PALLD: variants seen among roughly 807,000 people sequenced by gnomAD.
PALLD encodes the protein palladin.
In PALLD, 61 loss-of-function variants were observed where a neutral mutation model predicts 123.5. The ratio of observed to expected loss-of-function variants is 0.49; its 90% CI spans 0.40 to 0.61. PALLD has a LOEUF of 0.61. PALLD is among the 20% of genes least tolerant of loss of function. PALLD has a pLI of 0.00. For missense variants in PALLD, 1,273 were observed against 1,377.0 expected, an observed-to-expected ratio of 0.92 and a Z score of 1.20; for synonymous variants, 465 against 496.4, an observed-to-expected ratio of 0.94 and a Z score of 0.84.
intron 2 of PALLD, among the ~76,000 whole-genome samples, chr4:168,540,149 A>G (rs989469354): frequency 1.3e-5 from 2 of 152,152 alleles, no homozygotes; most frequent in Non-Finnish European, 2.9e-5. Flanking sequence ...CTGCGACATG[A>G]GCCCTAACGA....
chr4:168,862,449 G>GA (rs2151035220), intron 10 of PALLD, among the ~76,000 whole-genome samples: 1 of 152,136 alleles, frequency 6.6e-6, no homozygotes, highest in African/African-American at 2.4e-5. Context: ...GCCCAGCCAA[G>GA]AAAAAAGTTT....
At chr4:168,503,420 C>A (rs940895841) in intron 1 of PALLD, among the ~76,000 whole-genome samples, 2 of 151,974 alleles carry the variant, frequency 1.3e-5, no homozygotes, top group Admixed American at 1.3e-4. Context: ...GAGGCCAAGG[C>A]GGGTGGATGA....
rs1767201534 is a variant in PALLD at position 168,555,631 on chromosome 4, T to C, written c.908+43219T>C. On this transcript the variant is annotated intron_variant, in intron 2 of 21. Coordinates refer to ENST00000505667, the MANE Select transcript of PALLD (RefSeq NM_001166108.2). Reference sequence around the variant, plus strand: ...AATCATCTCTTTCTCCACTTTCTGTTACACAATTAAACCAGCAGGTGAGGC... The same window carrying C: ...AATCATCTCTTTCTCCACTTTCTGTCACACAATTAAACCAGCAGGTGAGGC... Among the ~76,000 whole-genome samples, 3 of 152,336 alleles carry C rather than the reference T, an allele frequency of 2.0e-5. No individual in the cohort carries two copies. The South Asian group carries it at 6.2e-4, about 32-fold the overall frequency.
Position 168,526,615 on chromosome 4 carries a change from T to C in PALLD, c.908+14203T>C, listed in dbSNP as rs1764074435. On this transcript the variant is annotated intron_variant, in intron 2 of 21. Transcript: ENST00000505667. ...ACAGAAACACAATTTAGTTTTCCTT[T>C]CATCATGCAAACACAATGCTACACC... 2.0e-5 allele frequency among the ~76,000 whole-genome samples: 3 copies of C among 152,224 alleles called. No individual in the cohort carries two copies. In the South Asian group the frequency reaches 6.2e-4, roughly 32 times the overall value.
intron 3 of PALLD, among the ~76,000 whole-genome samples, chr4:168,675,726 A>T (rs1780765261): frequency 6.6e-6 from 1 of 152,128 alleles, no homozygotes; most frequent in African/African-American, 2.4e-5. Context: ...TTTTATTTTT[A>T]AAAAGCTAAA....
rs554518473 is a variant in PALLD at position 168,597,372 on chromosome 4, G to A, written c.909-70818G>A. 1.4e-3 allele frequency among the ~76,000 whole-genome samples: 214 copies of A among 152,032 alleles called. 4 individuals carry two copies. In the South Asian group the frequency reaches 0.042, roughly 30 times the overall value. On this transcript the variant is annotated intron_variant, in intron 2 of 21. Coordinates refer to ENST00000505667, the MANE Select transcript of PALLD (RefSeq NM_001166108.2). The stretch of plus-strand genomic sequence containing the variant: ...CATACAGTTTTGGAGACTTCTTTAA[G>A]AAAAAGAATACAATATTAAGCATGC...
At chr4:168,536,212 C>G (rs150748112) in intron 2 of PALLD, among the ~76,000 whole-genome samples, 150 of 152,306 alleles carry the variant, frequency 9.8e-4, no homozygotes, top group Admixed American at 1.9e-3. Flanking sequence ...TTCTGCCTGT[C>G]CTTTAACCCA....
rs1786865424 is a variant in PALLD at position 168,728,882 on chromosome 4, A to G, written c.1964+16959A>G. Among the ~76,000 whole-genome samples the G allele has an allele frequency of 2.0e-5, 3 of 152,144 alleles. 1 individual carries two copies. Among genetic ancestry groups the G allele is most frequent in the South Asian group, 4.2e-4 (2 of 4,806 alleles). ...TCCCACTCTTCCCCCCAAGGCCCCA[A>G]GGTCCACTGTATCATTCTTATGCCT... On this transcript the variant is annotated intron_variant, in intron 10 of 21. Transcript: ENST00000505667.
chr4:168,548,166 A>G (rs1324913672), intron 2 of PALLD, among the ~76,000 whole-genome samples: 4 of 152,198 alleles, frequency 2.6e-5, no homozygotes. Context: ...TAATGAGACA[A>G]AAGGATCTTA....
chr4:168,543,562 A>G (rs1161956661), intron 2 of PALLD, among the ~76,000 whole-genome samples: 1 of 152,184 alleles, frequency 6.6e-6, no homozygotes, highest in Non-Finnish European at 1.5e-5. Flanking sequence ...GGGCAAAAAA[A>G]AAAATTAAAT....
intron 10 of PALLD, among the ~76,000 whole-genome samples, chr4:168,884,293 A>G (rs1268908476): frequency 1.3e-5 from 2 of 152,188 alleles, no homozygotes; most frequent in Admixed American, 1.3e-4. Context: ...TGAAAAAGAG[A>G]AGAGGTTCCA....
At chr4:168,563,052 G>A (rs543762889) in intron 2 of PALLD, among the ~76,000 whole-genome samples, 1 of 152,122 alleles carries the variant, frequency 6.6e-6, no homozygotes, top group Non-Finnish European at 1.5e-5. Context: ...ATTGTTTGTG[G>A]GGAGTGGCGG....
At chr4:168,794,996 G>A (rs563776650) in intron 10 of PALLD, among the ~76,000 whole-genome samples, 1 of 152,256 alleles carries the variant, frequency 6.6e-6, no homozygotes, top group South Asian at 2.1e-4. Context: ...TGTTTGGTGA[G>A]GGTTGGCTTC....
At chr4:168,818,569 A>G (rs929071264) in intron 10 of PALLD, among the ~76,000 whole-genome samples, 1 of 152,230 alleles carries the variant, frequency 6.6e-6, no homozygotes, top group African/African-American at 2.4e-5. Flanking sequence ...TGGACAACAG[A>G]GTGAGACCCT....
intron 15 of PALLD, among the ~76,000 whole-genome samples, chr4:168,905,801 T>C (rs1013667241): frequency 6.8e-6 from 1 of 147,996 alleles, no homozygotes. Context: ...TTTTTTTTTT[T>C]TTTTTTTTTC....
intron 10 of PALLD, chr4:168,756,321 T>C: frequency 4.3e-6 from 1 of 230,572 alleles, no homozygotes; most frequent in Non-Finnish European, 9.1e-6. Flanking sequence ...AAAACCAGGA[T>C]ATCAGAACAT....
intron 10 of PALLD, among the ~76,000 whole-genome samples, chr4:168,804,899 A>G (rs988099703): frequency 6.6e-5 from 10 of 152,138 alleles, no homozygotes; most frequent in East Asian, 1.9e-4. Context: ...GGTGGCTCAC[A>G]CCTGTAATCC....
rs776608363 is a variant in PALLD, at chr4:168,926,660, TA to T, written c.*483del. 14 of 367,842 alleles carry T rather than the reference TA, an allele frequency of 3.8e-5. No individual in the cohort carries two copies. Among genetic ancestry groups the T allele is most frequent in the Non-Finnish European group, 5.5e-5 (11 of 200,906 alleles). The allele number at this position is 367,842 out of a possible 1,614,324, so 22.8% of individuals were successfully genotyped here. ...TAAAGTGATCAAAATGCCAAAATAC[TA>T]AAGGAAATCAATTGTTCACAGGTAA... On this transcript the variant is annotated 3_prime_UTR_variant, in exon 22 of 22. Coordinates refer to ENST00000505667, the MANE Select transcript of PALLD (RefSeq NM_001166108.2).
chr4:168,924,217 T>C, intron 18 of PALLD, 38 bp from the exon 19 acceptor site: 2 of 1,576,630 alleles, frequency 1.3e-6, no homozygotes, highest in Non-Finnish European at 8.7e-7. Context: ...GCTCCTTTTG[T>C]ATATCATTGA....
Sources: gnomAD v4.1 joint callset for allele counts (sites outside exome capture counted in the v4.1 genomes callset) on GRCh38, gnomAD v4.1.1 for gene constraint, MANE v1.5 for transcripts, NCBI Gene and HGNC (gene_info 2026-07-23, HGNC 2026-07-21) for gene names.